Variants in ADAMTSL1 observed in about 807,000 individuals in gnomAD.
The protein encoded by ADAMTSL1 is ADAMTS like 1.
In ADAMTSL1, 126 loss-of-function variants were observed where a neutral mutation model predicts 201.8. The observed-to-expected ratio is 0.62, with a 90% confidence interval of 0.54 to 0.72. ADAMTSL1 has a LOEUF of 0.72. ADAMTSL1 is among the 30% of genes least tolerant of loss of function. The probability of loss-of-function intolerance (pLI) is 0.00; values close to 1 mark genes in which losing one functional copy is unlikely to be tolerated. For missense variants in ADAMTSL1, 2,679 were observed against 2,277.8 expected (o/e 1.18, Z -3.59); for synonymous variants, 1,121 against 903.4 (o/e 1.24, Z -4.32).
chr9:18,092,758 A>G (rs945736384), intron 1 of ADAMTSL1, among the ~76,000 whole-genome samples: 3 of 152,252 alleles, frequency 2.0e-5, no homozygotes, highest in South Asian at 4.1e-4. Flanking sequence ...AATGTTTTCC[A>G]TCAAGATTTC....
At chr9:17,985,709 G>A (rs1432037243) in intron 1 of ADAMTSL1, among the ~76,000 whole-genome samples, 2 of 152,080 alleles carry the variant, frequency 1.3e-5, no homozygotes, top group African/African-American at 4.8e-5. Flanking sequence ...CACATGGGAA[G>A]CAAGCTTAGC....
intron 16 of ADAMTSL1, among the ~76,000 whole-genome samples, chr9:18,764,667 A>G (rs1820260554): frequency 6.6e-6 from 1 of 152,216 alleles, no homozygotes; most frequent in Non-Finnish European, 1.5e-5. Flanking sequence ...CAAATTGTCC[A>G]CTGTAGCTAA....
intron 7 of ADAMTSL1, among the ~76,000 whole-genome samples, chr9:18,650,836 G>T (rs1261001670): frequency 6.6e-6 from 1 of 151,912 alleles, no homozygotes; most frequent in South Asian, 2.1e-4. Context: ...CTGCTTACTG[G>T]GTGTGTGACC....
intron 2 of ADAMTSL1, among the ~76,000 whole-genome samples, chr9:18,223,921 C>T (rs72684925): frequency 0.033 from 4,958 of 152,144 alleles, 121 homozygotes; most frequent in Non-Finnish European, 0.053. Context: ...CTCTGGTAGG[C>T]ATTTGGGATC....
intron 1 of ADAMTSL1, among the ~76,000 whole-genome samples, chr9:17,955,382 C>T (rs1827890969): frequency 6.6e-6 from 1 of 152,074 alleles, no homozygotes; most frequent in Non-Finnish European, 1.5e-5. Context: ...AAACTCATTC[C>T]AAATTTAGGA....
chr9:18,474,112 G>T, upstream of ADAMTSL1: 1 of 828,628 alleles, frequency 1.2e-6, no homozygotes. Context: ...ATGTGAGAGG[G>T]GCTGATGGAA....
chr9:18,141,512 C>T (rs1826397317), intron 1 of ADAMTSL1, among the ~76,000 whole-genome samples: 1 of 152,092 alleles, frequency 6.6e-6, no homozygotes, highest in African/African-American at 2.4e-5. Flanking sequence ...AAATGAGAGC[C>T]CCCTCACTCC....
At chr9:18,502,681 A>G (rs761856545) in intron 1 of ADAMTSL1, among the ~76,000 whole-genome samples, 1 of 152,162 alleles carries the variant, frequency 6.6e-6, no homozygotes, top group Non-Finnish European at 1.5e-5. Flanking sequence ...TGGCTCCGTT[A>G]TCCATGCTTT....
chr9:18,390,996 A>G (rs1189734695), intron 2 of ADAMTSL1, among the ~76,000 whole-genome samples: 1 of 152,174 alleles, frequency 6.6e-6, no homozygotes, highest in Non-Finnish European at 1.5e-5. Context: ...GGGGTCATCT[A>G]ATGAAAATGA....
chr9:18,273,532 C>T (rs1832467003), intron 2 of ADAMTSL1, among the ~76,000 whole-genome samples: 1 of 152,198 alleles, frequency 6.6e-6, no homozygotes, highest in South Asian at 2.1e-4. Flanking sequence ...GCAGGCATTT[C>T]TAGTAATTTT....
At chr9:18,036,117 G>C (rs1017766455) in intron 1 of ADAMTSL1, among the ~76,000 whole-genome samples, 1 of 152,138 alleles carries the variant, frequency 6.6e-6, no homozygotes, top group Admixed American at 6.6e-5. Flanking sequence ...ACTTGAGGAT[G>C]GTTAGGAGTT....
intron 1 of ADAMTSL1, among the ~76,000 whole-genome samples, chr9:18,064,431 A>G (rs1822601358): frequency 6.6e-6 from 1 of 152,188 alleles, no homozygotes; most frequent in African/African-American, 2.4e-5. Context: ...TTTACAATTT[A>G]GGAGTTCTAT....
intron 23 of ADAMTSL1, among the ~76,000 whole-genome samples, chr9:18,837,019 G>C (rs979868981): frequency 6.6e-5 from 10 of 151,984 alleles, no homozygotes; most frequent in Non-Finnish European, 1.0e-4. Flanking sequence ...AAGTCTTTAG[G>C]GTTTTCTAGA....
intron 2 of ADAMTSL1, among the ~76,000 whole-genome samples, chr9:18,409,064 C>G (rs1316564278): frequency 6.6e-6 from 1 of 151,896 alleles, no homozygotes; most frequent in Non-Finnish European, 1.5e-5. Flanking sequence ...ATCATGTAAT[C>G]TGTGAATCTA....
At position 18,675,918 on chromosome 9, in the gene ADAMTSL1, C is replaced by G. The variant is rs1446498836; in HGVS notation, c.1136+11C>G. The G allele has an allele frequency of 6.2e-7, 1 of 1,611,640 alleles. No individual in the cohort carries two copies. Among genetic ancestry groups the G allele is most frequent in the Non-Finnish European group, 8.5e-7 (1 of 1,177,974 alleles). ...CCATCCCCTTCCTCGGTACGTAAAT[C>G]AATCATCCTGATGTTAGAATTAGCA... On this transcript the variant is annotated intron_variant, in intron 10 of 28. Transcript: ENST00000380548.
chr9:18,048,341 A>G (rs2131657576), intron 1 of ADAMTSL1, among the ~76,000 whole-genome samples: 1 of 152,344 alleles, frequency 6.6e-6, no homozygotes, highest in Non-Finnish European at 1.5e-5. Flanking sequence ...TTTAACAAAA[A>G]ACAGGTGAAA....
rs35164794 is a variant in ADAMTSL1 at position 18,095,416 on chromosome 9, C to CTT, written c.88-68423_88-68422dup. ...TCCCTGATAAGTTTCTTCTTTCTTT[C>CTT]TTTTTTTTTTTTTTTTTTTTTTTTG... On this transcript the variant is annotated intron_variant, in intron 1 of 29. Transcript: ENST00000680146. 6.8e-3 allele frequency among the ~76,000 whole-genome samples: 682 copies of CTT among 100,050 alleles called. 26 individuals are homozygous for CTT. Among genetic ancestry groups the CTT allele is most frequent in the African/African-American group, 0.018 (525 of 29,558 alleles). The allele number at this position is 100,050 out of a possible 152,430, so 65.6% of individuals were successfully genotyped here. A position where few individuals can be genotyped will look rare whatever the true frequency, so the allele number is the denominator to read the frequency against.
chr9:18,695,840 A>G (rs1831516846), intron 13 of ADAMTSL1, among the ~76,000 whole-genome samples: 1 of 152,150 alleles, frequency 6.6e-6, no homozygotes, highest in Non-Finnish European at 1.5e-5. Flanking sequence ...CTGTTCTCAC[A>G]TTGCTATAAA....
chr9:18,036,283 C>T (rs1381251621), intron 1 of ADAMTSL1, among the ~76,000 whole-genome samples: 1 of 152,154 alleles, frequency 6.6e-6, no homozygotes, highest in Non-Finnish European at 1.5e-5. Flanking sequence ...GGTTGAGAGG[C>T]CTTTCTAACT....
Sources: allele counts gnomAD v4.1 joint callset (sites outside exome capture counted in the v4.1 genomes callset), GRCh38; gene constraint gnomAD v4.1.1; transcripts MANE v1.5; gene names NCBI Gene and HGNC (gene_info 2026-07-23, HGNC 2026-07-21).